EPB41L3: variants seen among roughly 807,000 people sequenced by gnomAD.
EPB41L3 encodes the protein band 4.1-like protein 3.
Under a neutral mutation model 127.1 loss-of-function variants are expected in EPB41L3, and 57 were observed. That is an observed-to-expected ratio of 0.45 (90% CI 0.36 to 0.56). The LOEUF is 0.56. Among genes scored for constraint, EPB41L3 ranks in the 20% least tolerant of loss-of-function variants. EPB41L3 has a pLI of 0.00. For missense variants in EPB41L3, 1,273 were observed against 1,372.2 expected (o/e 0.93, Z 1.14); for synonymous variants, 572 against 549.5 (o/e 1.04, Z -0.57).
chr18:5,437,441 T>C (rs970223389), intron 6 of EPB41L3, among the ~76,000 whole-genome samples: 7 of 152,284 alleles, frequency 4.6e-5, no homozygotes, highest in African/African-American at 1.4e-4. Flanking sequence ...CCACCCACTT[T>C]ATAGTATTTT....
At chr18:5,509,231 G>A (rs766571001) in intron 1 of EPB41L3, among the ~76,000 whole-genome samples, 38 of 152,182 alleles carry the variant, frequency 2.5e-4, no homozygotes, top group Non-Finnish European at 5.1e-4. Context: ...CATGGCAGAG[G>A]AGGGCTCAGG....
chr18:5,535,575 C>A (rs1292525896), intron 1 of EPB41L3, among the ~76,000 whole-genome samples: 1 of 152,144 alleles, frequency 6.6e-6, no homozygotes, highest in Non-Finnish European at 1.5e-5. Context: ...GTTAGTAACT[C>A]TAGGAAAAAA....
intron 3 of EPB41L3, among the ~76,000 whole-genome samples, chr18:5,606,057 C>A (rs2143909811): frequency 6.6e-6 from 1 of 152,272 alleles, no homozygotes; most frequent in Middle Eastern, 3.4e-3. Flanking sequence ...GTGAAAATGA[C>A]AGATGCATCC....
chr18:5,445,041 G>A, intron 4 of EPB41L3, 99 bp downstream of exon 4: 1 of 806,524 alleles, frequency 1.2e-6, no homozygotes, highest in Non-Finnish European at 2.1e-6. Context: ...AGAATGAAGG[G>A]AGGTGGAGAA....
intron 3 of EPB41L3, among the ~76,000 whole-genome samples, chr18:5,575,822 G>C (rs2094332136): frequency 6.6e-6 from 1 of 152,100 alleles, no homozygotes; most frequent in Admixed American, 6.5e-5. Flanking sequence ...TGGTGACAGA[G>C]TGAGACTCCG....
intron 3 of EPB41L3, among the ~76,000 whole-genome samples, chr18:5,564,081 C>T (rs1432136283): frequency 6.6e-6 from 1 of 152,078 alleles, no homozygotes; most frequent in East Asian, 1.9e-4. Context: ...AAGAAGGGCT[C>T]AGAAGAGTCC....
intron 3 of EPB41L3, among the ~76,000 whole-genome samples, chr18:5,564,265 C>A (rs566775759): frequency 6.6e-6 from 1 of 152,178 alleles, no homozygotes; most frequent in East Asian, 1.9e-4. Flanking sequence ...CTATGTTTTA[C>A]TGATGTCTTA....
intron 1 of EPB41L3, among the ~76,000 whole-genome samples, chr18:5,522,172 C>G (rs988182471): frequency 6.6e-6 from 1 of 152,126 alleles, no homozygotes; most frequent in Non-Finnish European, 1.5e-5. Flanking sequence ...GATGCAATCT[C>G]GGTTCACTGC....
chr18:5,488,884 A>G, intron 2 of EPB41L3, 117 bp downstream of exon 2: 14 of 1,119,544 alleles, frequency 1.3e-5, no homozygotes, highest in Non-Finnish European at 1.7e-5. Context: ...CTGGGGCTAG[A>G]AGGGGAACAG....
chr18:5,608,482 T>C (rs1419649169), intron 3 of EPB41L3, among the ~76,000 whole-genome samples: 1 of 152,082 alleles, frequency 6.6e-6, no homozygotes, highest in Admixed American at 6.6e-5. Context: ...GAGAAAATAA[T>C]TGAGTAAAAC....
Position 5,397,828 on chromosome 18 carries a change from G to A in EPB41L3, c.2472+193C>T, listed in dbSNP as rs147748282. ...ATATGATCGCCTTTCGAATAGTGAA[G>A]TACATTCTTGAGATGCAACTAAAGG... On this transcript the variant is annotated intron_variant, in intron 17 of 22. Coordinates refer to ENST00000341928, the MANE Select transcript of EPB41L3 (RefSeq NM_012307.5). This position sits in a 1 kb window ranked among gnomAD's most constrained non-coding sequence, Gnocchi z 4.1. Among the ~76,000 whole-genome samples, 373 of 152,228 alleles carry A rather than the reference G, an allele frequency of 2.5e-3. 1 individual carries two copies. Among genetic ancestry groups the A allele is most frequent in the African/African-American group, 8.6e-3 (358 of 41,524 alleles).
At chr18:5,523,321 GTTTC>G (rs777785327) in intron 1 of EPB41L3, among the ~76,000 whole-genome samples, 7 of 152,034 alleles carry the variant, frequency 4.6e-5, no homozygotes, top group Non-Finnish European at 1.0e-4. Flanking sequence ...GTCTTCCTTT[GTTTC>G]TTTTCTTCTT....
chr18:5,423,383 T>A lies in EPB41L3; in HGVS notation c.1334A>T (p.Asp445Val). Residue 445 changes from aspartate (D) to valine (V), a missense_variant, in exon 11 of 23, where the codon GAT (aspartate) becomes GTT (valine). Physicochemically the swap from Asp to Val is radical, Grantham distance 152 (BLOSUM62 -3). This residue lies in a region of EPB41L3 where 326 missense variants were observed against 440.2 expected (regional missense o/e 0.74). Coordinates refer to ENST00000341928, the MANE Select transcript of EPB41L3 (RefSeq NM_012307.5). The stretch of plus-strand genomic sequence containing the variant: ...GGCCAGTAAGCGATGCCTACCTCCA[T>A]CCAAGCTGCGAGACATGGTATAACG... ...SKRYTMSRSL[D>V]GEVGTGQYAT... The A allele has an allele frequency of 6.2e-7, 1 of 1,602,292 alleles. No homozygotes were observed.
intron 6 of EPB41L3, among the ~76,000 whole-genome samples, chr18:5,436,973 A>T (rs2079934655): frequency 6.6e-6 from 1 of 152,210 alleles, no homozygotes; most frequent in African/African-American, 2.4e-5. Context: ...TCCAAAAAGA[A>T]TGCAAAGCTT....
chr18:5,495,399 T>TAAAAAAAAAAAAAAA (rs200781678), intron 1 of EPB41L3, among the ~76,000 whole-genome samples: 1 of 116,024 alleles, frequency 8.6e-6, no homozygotes, highest in Non-Finnish European at 1.9e-5. Flanking sequence ...ATTGGAAACT[T>TAAAAAAAAAAAAAAA]AAAAAAAAAA....
intron 3 of EPB41L3, among the ~76,000 whole-genome samples, chr18:5,451,551 C>T (rs971517322): frequency 2.0e-5 from 3 of 152,228 alleles, no homozygotes; most frequent in Admixed American, 1.3e-4. Context: ...TGGGCACTCA[C>T]TTCATATCCC....
rs951982387 is a variant in EPB41L3, at chr18:5,398,087, T to C, written c.2406A>G (p.Leu802=). 1.2e-6 allele frequency: 2 copies of C among 1,614,140 alleles called. No homozygotes were observed. The highest frequency in any genetic ancestry group is 1.3e-5 in the African/African-American group (1 of 75,048). Residue 802 remains leucine, a synonymous_variant, in exon 17 of 23, where the codon TTA becomes TTG. Transcript: ENST00000341928. The part of the protein sequence containing the change: ...LMDGSEIFSL[L]ESARKPTEFI... ...ATTCTGTTGGTTTTCGCGCAGACTC[T>C]AATAAACTGAAGATTTCAGAGCCAT...
chr18:5,582,958 A>C (rs994088394), intron 3 of EPB41L3, among the ~76,000 whole-genome samples: 3 of 152,154 alleles, frequency 2.0e-5, no homozygotes, highest in Admixed American at 6.5e-5. Context: ...GGGGCTGGGG[A>C]AACAGCTACC....
intron 3 of EPB41L3, among the ~76,000 whole-genome samples, chr18:5,606,574 A>G (rs1157476842): frequency 6.6e-6 from 1 of 152,174 alleles, no homozygotes; most frequent in Admixed American, 6.5e-5. Flanking sequence ...TAATTTTAGT[A>G]TCATTTTTCT....
Sources: allele counts gnomAD v4.1 joint callset (sites outside exome capture counted in the v4.1 genomes callset), GRCh38; gene constraint gnomAD v4.1.1; regional missense constraint gnomAD v4.1.1; non-coding constraint Gnocchi (gnomAD v3.1); transcripts MANE v1.5; gene names NCBI Gene and HGNC (gene_info 2026-07-23, HGNC 2026-07-21).